ARL15: variants seen among roughly 807,000 people sequenced by gnomAD.
ARL15 encodes the protein ARF like GTPase 15.
Under a neutral mutation model 25.2 loss-of-function variants are expected in ARL15, and 19 were observed. The ratio of observed to expected loss-of-function variants is 0.75; its 90% confidence interval spans 0.53 to 1.10. The LOEUF is 1.10. Ranked by LOEUF, ARL15 falls within the 50% of genes least tolerant of loss-of-function variation. The pLI, the probability that ARL15 is intolerant of heterozygous loss-of-function variation, is 0.00. For synonymous variants in ARL15, 94 were observed against 86.8 expected, an observed-to-expected ratio of 1.08 and a Z score of -0.46; for missense variants, 220 against 246.0, an observed-to-expected ratio of 0.89 and a Z score of 0.71.
intron 4 of ARL15, among the ~76,000 whole-genome samples, chr5:54,039,440 C>T (rs1480349323): frequency 6.6e-6 from 1 of 152,054 alleles, no homozygotes; most frequent in African/African-American, 2.4e-5. Flanking sequence ...GAGGTTTCTA[C>T]AGAACATAAT....
chr5:54,055,092 A>G (rs1187603340), intron 4 of ARL15, among the ~76,000 whole-genome samples: 1 of 152,158 alleles, frequency 6.6e-6, no homozygotes, highest in Non-Finnish European at 1.5e-5. Context: ...AATCAATTTT[A>G]GAATATTTTT....
At chr5:54,264,571 T>C (rs983373364) in intron 1 of ARL15, among the ~76,000 whole-genome samples, 4 of 152,250 alleles carry the variant, frequency 2.6e-5, no homozygotes, top group South Asian at 2.1e-4. Context: ...TGGCCTCTTA[T>C]TTCCTAACCT....
chr5:54,044,459 G>A (rs1042081463), intron 4 of ARL15, among the ~76,000 whole-genome samples: 2 of 151,972 alleles, frequency 1.3e-5, no homozygotes, highest in African/African-American at 2.4e-5. Context: ...TGGCCAAGCC[G>A]GTCTCAAACT....
intron 4 of ARL15, among the ~76,000 whole-genome samples, chr5:53,891,307 A>G (rs901369224): frequency 1.3e-5 from 2 of 152,150 alleles, no homozygotes; most frequent in Admixed American, 6.5e-5. Flanking sequence ...CTCAGCTCAG[A>G]TATTTATAAA....
In ARL15 at chr5:53,885,106, C is replaced by A. The variant is rs1295316198; in HGVS notation, c.*1455G>T. The A allele has an allele frequency of 6.6e-6, 1 of 152,526 alleles. No homozygotes were observed. The allele number at this position is 152,526 out of a possible 1,614,324, so 9.4% of individuals were successfully genotyped here. ...CTGAAGTCTATCTTCTGGAGAATTA[C>A]CAGGTATTACATCATTCTGTAATAT... On this transcript the variant is annotated 3_prime_UTR_variant, in exon 5 of 5. Coordinates refer to ENST00000504924, the MANE Select transcript of ARL15 (RefSeq NM_019087.3).
At chr5:53,903,256 G>T (rs767011980) in intron 4 of ARL15, among the ~76,000 whole-genome samples, 4 of 152,184 alleles carry the variant, frequency 2.6e-5, no homozygotes, top group Non-Finnish European at 5.9e-5. Context: ...AGCATTGGGA[G>T]TGTGGCCTTG....
intron 4 of ARL15, among the ~76,000 whole-genome samples, chr5:53,959,384 GCAATAGAGA>G (rs1458716075): frequency 1.3e-5 from 2 of 152,082 alleles, no homozygotes; most frequent in Non-Finnish European, 2.9e-5. Flanking sequence ...TATGTGCTAG[GCAATAGAGA>G]CACAATAGAG....
intron 1 of ARL15, among the ~76,000 whole-genome samples, chr5:54,208,682 A>G (rs1411162091): frequency 1.3e-5 from 2 of 152,092 alleles, no homozygotes; most frequent in Non-Finnish European, 2.9e-5. Context: ...TGAGTCCAAT[A>G]AGCAAAATCT....
intron 4 of ARL15, among the ~76,000 whole-genome samples, chr5:53,964,596 G>C (rs370851224): frequency 6.6e-6 from 1 of 152,068 alleles, no homozygotes; most frequent in Admixed American, 6.5e-5. Context: ...TCCTGACCTC[G>C]TGATCCGCCC....
At chr5:54,098,506 C>T (rs922998836) in intron 4 of ARL15, among the ~76,000 whole-genome samples, 3 of 152,020 alleles carry the variant, frequency 2.0e-5, no homozygotes, top group African/African-American at 7.2e-5. Flanking sequence ...GCCCGGGGTT[C>T]CCAAAGGAGA....
chr5:54,009,847 A>G (rs1244936129), intron 4 of ARL15, among the ~76,000 whole-genome samples: 2 of 152,206 alleles, frequency 1.3e-5, no homozygotes, highest in Admixed American at 6.5e-5. Flanking sequence ...TTTTAGCAAT[A>G]TTCCAACAGT....
chr5:53,983,956 A>G (rs996765327), intron 4 of ARL15, among the ~76,000 whole-genome samples: 1 of 152,140 alleles, frequency 6.6e-6, no homozygotes, highest in Non-Finnish European at 1.5e-5. Context: ...GCTTCCATTT[A>G]TGCTCTCTTT....
chr5:53,948,379 C>T (rs1746820645), intron 4 of ARL15, among the ~76,000 whole-genome samples: 1 of 152,114 alleles, frequency 6.6e-6, no homozygotes, highest in Non-Finnish European at 1.5e-5. Context: ...CAGAAGCAAA[C>T]AATAAAAATG....
At chr5:54,232,927 C>T (rs1756712300) in intron 1 of ARL15, among the ~76,000 whole-genome samples, 1 of 152,130 alleles carries the variant, frequency 6.6e-6, no homozygotes, top group Admixed American at 6.6e-5. Context: ...CTGAGGGTCC[C>T]CAAGACCCTT....
chr5:54,006,916 C>A (rs1010356659), intron 4 of ARL15, among the ~76,000 whole-genome samples: 1 of 152,032 alleles, frequency 6.6e-6, no homozygotes, highest in East Asian at 1.9e-4. Context: ...CATGGAGAAA[C>A]CCTGTCTCTA....
intron 4 of ARL15, among the ~76,000 whole-genome samples, chr5:53,913,842 AT>A (rs1366768188): frequency 4.6e-5 from 7 of 152,154 alleles, no homozygotes; most frequent in Admixed American, 4.6e-4. Context: ...CCTTGGTTTT[AT>A]CACTCTAATG....
At chr5:54,100,856 A>G (rs1752414356) in intron 4 of ARL15, among the ~76,000 whole-genome samples, 1 of 152,124 alleles carries the variant, frequency 6.6e-6, no homozygotes, top group Admixed American at 6.5e-5. Context: ...ATTGTAAATT[A>G]GAGCTGAACA....
chr5:53,945,349 C>T (rs1261062395), intron 4 of ARL15, among the ~76,000 whole-genome samples: 2 of 152,220 alleles, frequency 1.3e-5, no homozygotes, highest in Non-Finnish European at 2.9e-5. Context: ...TGACATCAGA[C>T]AGTTTATCTT....
Position 54,114,406 on chromosome 5 carries a change from G to GAAAA in ARL15, c.254-1000_254-997dup, listed in dbSNP as rs1171369744. ...GCAACACAGCAAGGCTCCATCTCAA[G>GAAAA]AAAAAAAAAAAAAAAAGCAACACCA... On this transcript the variant is annotated intron_variant, in intron 3 of 4. Coordinates refer to ENST00000504924, the MANE Select transcript of ARL15 (RefSeq NM_019087.3). Among the ~76,000 whole-genome samples the GAAAA allele has an allele frequency of 2.6e-4, 19 of 74,478 alleles. 1 individual carries two copies. The highest frequency in any genetic ancestry group is 2.1e-3 in the East Asian group (4 of 1,898). The allele number at this position is 74,478 out of a possible 152,430, so 48.9% of individuals were successfully genotyped here.
Sources: gnomAD v4.1 joint callset for allele counts (sites outside exome capture counted in the v4.1 genomes callset) on GRCh38, gnomAD v4.1.1 for gene constraint, MANE v1.5 for transcripts, NCBI Gene and HGNC (gene_info 2026-07-23, HGNC 2026-07-21) for gene names.